ZFP3: variants seen among roughly 807,000 people sequenced by gnomAD.
ZFP3 encodes ZFP3 zinc finger protein.
In ZFP3, 18 loss-of-function variants were observed where a neutral mutation model predicts 36.7. The observed-to-expected ratio is 0.49, with a 90% CI of 0.34 to 0.73. The LOEUF is 0.73. Ranked by LOEUF, ZFP3 falls within the 30% of genes least tolerant of loss-of-function variation. ZFP3 has a pLI of 0.01. For synonymous variants in ZFP3, 218 were observed against 199.0 expected, an observed-to-expected ratio of 1.10 and a Z score of -0.81; for missense variants, 495 against 599.0, an observed-to-expected ratio of 0.83 and a Z score of 1.81.
chr17:5,094,906 T>C lies in ZFP3; in HGVS notation c.*1893T>C, dbSNP rs1230593038. 1 of 167,108 alleles carries C rather than the reference T, an allele frequency of 6.0e-6. No homozygotes were observed. The highest frequency in any genetic ancestry group is 6.5e-5 in the Admixed American group (1 of 15,282). The allele number at this position is 167,108 out of a possible 1,614,324, so 10.4% of individuals were successfully genotyped here. A position where few individuals can be genotyped will look rare whatever the true frequency, so the allele number is the denominator to read the frequency against. On this transcript the variant is annotated 3_prime_UTR_variant, in exon 2 of 2. Coordinates refer to ENST00000318833, the MANE Select transcript of ZFP3 (RefSeq NM_153018.3). ...GCAACCATCAATGATGTGGGTATTC[T>C]TACCCCAATTTAAAAGATAAGAAGG...
intron 1 of ZFP3, 28 bp from the exon 2 acceptor site, chr17:5,091,469 C>T (rs2072149120): frequency 6.3e-7 from 1 of 1,599,830 alleles, no homozygotes; most frequent in South Asian, 1.1e-5. Flanking sequence ...GATACGGTCC[C>T]TTCACATACT....
Position 5,078,853 on chromosome 17 carries a change from ACC to A in ZFP3, c.-9+279_-9+280del, listed in dbSNP as rs1292190831. 6.6e-6 allele frequency among the ~76,000 whole-genome samples: 1 copy of A among 152,140 alleles called. No individual in the cohort carries two copies. Among genetic ancestry groups the A allele is most frequent in the African/African-American group, 2.4e-5 (1 of 41,420 alleles). On this transcript the variant is annotated intron_variant, in intron 1 of 1. Coordinates refer to ENST00000318833, the MANE Select transcript of ZFP3 (RefSeq NM_153018.3). This position sits in a 1 kb window ranked among gnomAD's most constrained non-coding sequence, Gnocchi z 4.5. The stretch of plus-strand genomic sequence containing the variant: ...GAGAAGCAGGGACACTCCCTTCTGT[ACC>A]GAGGTGGGGACCCGTGGGAGCTGTG...
intron 1 of ZFP3, among the ~76,000 whole-genome samples, chr17:5,087,752 A>C (rs998584797): frequency 1.3e-5 from 2 of 152,110 alleles, no homozygotes; most frequent in African/African-American, 2.4e-5. Flanking sequence ...TTGAGGGACA[A>C]CACCAACCCA....
chr17:5,095,187 C>A lies in ZFP3; in HGVS notation c.*2174C>A, dbSNP rs905835329. The A allele has an allele frequency of 1.2e-5, 2 of 167,086 alleles. No individual in the cohort carries two copies. The highest frequency in any genetic ancestry group is 4.8e-5 in the African/African-American group (2 of 41,450). The allele number at this position is 167,086 out of a possible 1,614,324, so 10.4% of individuals were successfully genotyped here. A position where few individuals can be genotyped will look rare whatever the true frequency, so the allele number is the denominator to read the frequency against. ...TCACCAAATGGGTTTATTCTGTACTCCAATATAGGTGTCTTCCCAGGTTTA... is the reference window on the plus strand; with the variant it reads ...TCACCAAATGGGTTTATTCTGTACTACAATATAGGTGTCTTCCCAGGTTTA... On this transcript the variant is annotated 3_prime_UTR_variant, in exon 2 of 2. Transcript: ENST00000318833.
intron 1 of ZFP3, among the ~76,000 whole-genome samples, chr17:5,082,121 G>C (rs2072096917): frequency 1.3e-5 from 2 of 151,752 alleles, no homozygotes; most frequent in African/African-American, 4.8e-5. Flanking sequence ...GCCGAGGCGG[G>C]TGGATCATGA....
chr17:5,093,887 A>G lies in ZFP3; in HGVS notation c.*874A>G, dbSNP rs1271071716. On this transcript the variant is annotated 3_prime_UTR_variant, in exon 2 of 2. Transcript: ENST00000318833. ...AACAATTGAGGTCACACTGCTCGGC[A>G]TGGGCAGAAGCAGCTCTTCAGGAGC... 6.0e-6 allele frequency: 1 copy of G among 167,192 alleles called. No individual in the cohort carries two copies. The highest frequency in any genetic ancestry group is 1.5e-5 in the Non-Finnish European group (1 of 68,160). 10.4% of individuals were successfully genotyped at this position (167,192 alleles called of 1,614,324 possible).
At position 5,078,899 on chromosome 17, in the gene ZFP3, C is replaced by T. The variant is rs2072079457; in HGVS notation, c.-9+324C>T. Among the ~76,000 whole-genome samples, 1 of 152,148 alleles carries T rather than the reference C, an allele frequency of 6.6e-6. No individual in the cohort carries two copies. Reference sequence around the variant, plus strand: ...AGCTGTGGTTTTCTCAGACATTCCACCCCCAAGTAAACCGCTAGGACGAAA... The same window carrying T: ...AGCTGTGGTTTTCTCAGACATTCCATCCCCAAGTAAACCGCTAGGACGAAA... On this transcript the variant is annotated intron_variant, in intron 1 of 1. Coordinates refer to ENST00000318833, the MANE Select transcript of ZFP3 (RefSeq NM_153018.3). This position sits in a 1 kb window ranked among gnomAD's most constrained non-coding sequence, Gnocchi z 4.5.
chr17:5,082,080 C>G (rs1286752080), intron 1 of ZFP3, among the ~76,000 whole-genome samples: 1 of 149,220 alleles, frequency 6.7e-6, no homozygotes, highest in East Asian at 2.0e-4. Flanking sequence ...GGGCACGGTG[C>G]CTCACGCCTG....
chr17:5,091,436 T>C (rs1164164498), intron 1 of ZFP3, 61 bp from the exon 2 acceptor site: 11 of 1,509,870 alleles, frequency 7.3e-6, no homozygotes, highest in Non-Finnish European at 9.9e-6. Flanking sequence ...TGTTGTCCTC[T>C]AGTGTTAGCT....
chr17:5,081,445 G>A (rs2072092984), intron 1 of ZFP3, among the ~76,000 whole-genome samples: 2 of 152,004 alleles, frequency 1.3e-5, no homozygotes, highest in African/African-American at 4.8e-5. Flanking sequence ...ACATCTTTGG[G>A]CACATAGATT....
At position 5,092,284 on chromosome 17, in the gene ZFP3, G is replaced by T. The variant is rs1325414688; in HGVS notation, c.780G>T (p.Lys260Asn). ...CATATGAATGTAATGAATGTGGGAAGACCTTTAGGGTTAGTTCACAGCTTA... is the reference window on the plus strand; with the variant it reads ...CATATGAATGTAATGAATGTGGGAATACCTTTAGGGTTAGTTCACAGCTTA... ...EKPYECNECG[K>N]TFRVSSQLIQ... The change falls in exon 2 of 2, where the codon AAG (lysine) becomes AAT (asparagine). Residue 260 changes from lysine (K) to asparagine (N), a missense_variant. Lys to Asn is a moderately conservative substitution (Grantham distance 94). Coordinates refer to ENST00000318833, the MANE Select transcript of ZFP3 (RefSeq NM_153018.3). This position sits in a 1 kb window ranked among gnomAD's most constrained non-coding sequence, Gnocchi z 5.0. 1 of 1,613,998 alleles carries T rather than the reference G, an allele frequency of 6.2e-7. No homozygotes were observed. Among genetic ancestry groups the T allele is most frequent in the Non-Finnish European group, 8.5e-7 (1 of 1,180,006 alleles).
intron 1 of ZFP3, among the ~76,000 whole-genome samples, chr17:5,084,630 G>A (rs2072111938): frequency 6.6e-6 from 1 of 152,122 alleles, no homozygotes; most frequent in Non-Finnish European, 1.5e-5. Flanking sequence ...ACAAATTTAG[G>A]TCTGCCAAGT....
At chr17:5,089,601 A>C (rs942646611) in intron 1 of ZFP3, among the ~76,000 whole-genome samples, 1 of 152,186 alleles carries the variant, frequency 6.6e-6, no homozygotes, top group African/African-American at 2.4e-5. Flanking sequence ...GCAACTAAAC[A>C]TTTTTGCCAC....
intron 1 of ZFP3, among the ~76,000 whole-genome samples, chr17:5,087,531 GCTCA>G (rs948753836): frequency 6.6e-6 from 1 of 152,156 alleles, no homozygotes; most frequent in Admixed American, 6.5e-5. Context: ...ACAGGAAACA[GCTCA>G]CTCAAATTAG....
At chr17:5,087,077 A>AT (rs35379036) in intron 1 of ZFP3, among the ~76,000 whole-genome samples, 40,340 of 101,534 alleles carry the variant, frequency 0.4, 9,402 homozygotes, top group East Asian at 0.72. Flanking sequence ...ACTGCATTTG[A>AT]TTTTTTTTTT....
At chr17:5,086,587 CTT>C (rs11392105) in intron 1 of ZFP3, among the ~76,000 whole-genome samples, 10 of 142,414 alleles carry the variant, frequency 7.0e-5, no homozygotes, top group South Asian at 2.2e-4. Flanking sequence ...CTTTCATCCA[CTT>C]TTTTTTTTTT....
chr17:5,080,495 T>A (rs974308368), intron 1 of ZFP3, among the ~76,000 whole-genome samples: 3 of 152,200 alleles, frequency 2.0e-5, no homozygotes, highest in African/African-American at 7.2e-5. Context: ...TTTGTGTCTC[T>A]TTATACATTT....
intron 1 of ZFP3, among the ~76,000 whole-genome samples, chr17:5,089,743 C>T (rs755664723): frequency 6.7e-6 from 1 of 149,388 alleles, no homozygotes; most frequent in Admixed American, 6.7e-5. Context: ...GCAGCCTTGA[C>T]CCCCTGGGCT....
chr17:5,092,383 C>T lies in ZFP3; in HGVS notation c.879C>T (p.Ser293=), dbSNP rs755536946. 6.2e-6 allele frequency: 10 copies of T among 1,613,964 alleles called. No homozygotes were observed. In the African/African-American group the frequency reaches 1.3e-4, roughly 22 times the overall value. Residue 293 remains serine, a synonymous_variant, in exon 2 of 2, where the codon AGC becomes AGT. Transcript: ENST00000318833. This position sits in a 1 kb window ranked among gnomAD's most constrained non-coding sequence, Gnocchi z 5.0. ...CNECGKAFKH[S]SGLIRHQKIH... ...AGTGTGGCAAAGCCTTCAAGCATAG[C>T]TCAGGCCTTATTAGACACCAGAAAA...
Sources: allele counts gnomAD v4.1 joint callset (sites outside exome capture counted in the v4.1 genomes callset), GRCh38; gene constraint gnomAD v4.1.1; non-coding constraint Gnocchi (gnomAD v3.1); transcripts MANE v1.5; gene names NCBI Gene and HGNC (gene_info 2026-07-23, HGNC 2026-07-21).